SATL1: variants seen among roughly 807,000 people sequenced by gnomAD.
SATL1 encodes the protein spermidine/spermine N1-acetyl transferase like 1, also known as spermidine/spermine N(1)-acetyltransferase-like protein 1.
Under a neutral mutation model 51.8 loss-of-function variants are expected in SATL1, and 47 were observed. The observed-to-expected ratio is 0.91, with a 90% CI of 0.72 to 1.16. The LOEUF (loss-of-function observed/expected upper bound fraction) is 1.16. SATL1 is among the 50% of genes most tolerant of loss of function. The probability of loss-of-function intolerance (pLI) is 0.00; values close to 1 mark genes in which losing one functional copy is unlikely to be tolerated. For synonymous variants in SATL1, 176 were observed against 182.4 expected (o/e 0.97, Z 0.28); for missense variants, 520 against 526.4 (o/e 0.99, Z 0.12).
intron 2 of SATL1, among the ~76,000 whole-genome samples, chrX:85,113,189 A>C (rs1403891043): frequency 1.8e-5 from 2 of 109,661 alleles, no homozygotes; most frequent in African/African-American, 6.6e-5. Context: ...TCTTTGTAAA[A>C]GGGTGACTCT....
chrX:85,208,396 A>C (rs1927835268), intron 2 of SATL1, among the ~76,000 whole-genome samples: 1 of 111,618 alleles, frequency 9.0e-6, no homozygotes, highest in Non-Finnish European at 1.9e-5. Context: ...CATGATTTAT[A>C]ATCCTTTGGG....
At chrX:85,239,412 G>T (rs955697994) in intron 1 of SATL1, among the ~76,000 whole-genome samples, 8 of 111,319 alleles carry the variant, frequency 7.2e-5, no homozygotes, top group Non-Finnish European at 1.5e-4. Flanking sequence ...ATGAATAGAA[G>T]AATCATTATA....
At chrX:85,145,683 A>G (rs942272365) in intron 2 of SATL1, among the ~76,000 whole-genome samples, 13 of 111,093 alleles carry the variant, frequency 1.2e-4, no homozygotes, top group Middle Eastern at 4.7e-3. Flanking sequence ...TTTCTTACAG[A>G]ATCCTAGACA....
intron 5 of SATL1, 46 bp from the exon 6 acceptor site, chrX:85,094,275 G>A: frequency 1.4e-6 from 1 of 727,256 alleles, no homozygotes; most frequent in South Asian, 2.3e-5. Context: ...TTGAATCTTA[G>A]CCAGTTCTTT....
chrX:85,199,638 C>T, intron 2 of SATL1, among the ~76,000 whole-genome samples: 1 of 112,049 alleles, frequency 8.9e-6, no homozygotes. Flanking sequence ...ATGCATGGAA[C>T]TGGATATCAT....
Position 85,092,290 on chromosome X carries a change from G to T in SATL1, c.*101C>A. 1.1e-6 allele frequency: 1 copy of T among 870,957 alleles called. No individual in the cohort carries two copies. The highest frequency in any genetic ancestry group is 3.5e-5 in the East Asian group (1 of 28,936). 71.8% of individuals were successfully genotyped at this position (870,957 alleles called of 1,213,427 possible). A position where few individuals can be genotyped will look rare whatever the true frequency, so the allele number is the denominator to read the frequency against. On this transcript the variant is annotated 3_prime_UTR_variant, in exon 8 of 8. Coordinates refer to ENST00000644105, the MANE Select transcript of SATL1 (RefSeq NM_001367857.2). ...AGATCTGCTCAAACAAGAATGTGAT[G>T]ATCACTTGCTGTATTGTACAACAAA... is the stretch of plus-strand genomic sequence containing the variant.
intron 1 of SATL1, among the ~76,000 whole-genome samples, 165 bp from the exon 2 acceptor site, chrX:85,224,491 T>C (rs949751202): frequency 9.0e-6 from 1 of 111,554 alleles, no homozygotes; most frequent in Non-Finnish European, 1.9e-5. Context: ...GCTTCTTTCA[T>C]TCTGAGACAT....
chrX:85,194,219 T>G (rs1372892357), intron 2 of SATL1, among the ~76,000 whole-genome samples: 1 of 112,222 alleles, frequency 8.9e-6, no homozygotes, highest in African/African-American at 3.2e-5. Context: ...TAAGAAATTT[T>G]ATTCTGAAGA....
intron 2 of SATL1, among the ~76,000 whole-genome samples, chrX:85,152,366 G>T (rs1367447042): frequency 1.8e-5 from 2 of 111,707 alleles, no homozygotes; most frequent in African/African-American, 3.3e-5. Context: ...TACACTGTTG[G>T]TGGGATTGTA....
intron 2 of SATL1, among the ~76,000 whole-genome samples, chrX:85,183,210 T>A (rs1392982590): frequency 9.0e-6 from 1 of 110,875 alleles, no homozygotes; most frequent in Admixed American, 9.7e-5. Flanking sequence ...TAGTTTCGGG[T>A]TCTATATTTA....
intron 2 of SATL1, among the ~76,000 whole-genome samples, chrX:85,127,280 T>C (rs900186600): frequency 1.8e-5 from 2 of 111,471 alleles, no homozygotes; most frequent in African/African-American, 6.5e-5. Flanking sequence ...AAGGCAGGGA[T>C]AATATTTGCC....
chrX:85,128,889 T>C (rs890282087), intron 2 of SATL1, among the ~76,000 whole-genome samples: 4 of 112,142 alleles, frequency 3.6e-5, no homozygotes, highest in Non-Finnish European at 7.5e-5. Context: ...CCCAGCACCA[T>C]TTATTAAAAA....
chrX:85,203,518 C>A (rs1304757301), intron 2 of SATL1, among the ~76,000 whole-genome samples: 1 of 110,989 alleles, frequency 9.0e-6, no homozygotes, highest in East Asian at 2.9e-4. Context: ...CTGGGAGTAC[C>A]ATCCCAGGGA....
chrX:85,167,492 G>A (rs986498009), intron 2 of SATL1, among the ~76,000 whole-genome samples: 4 of 111,403 alleles, frequency 3.6e-5, no homozygotes, highest in Non-Finnish European at 3.8e-5. Flanking sequence ...ATAACCATCA[G>A]AAAATATTAT....
intron 2 of SATL1, among the ~76,000 whole-genome samples, chrX:85,199,109 G>C (rs1214469038): frequency 1.8e-5 from 2 of 110,258 alleles, no homozygotes; most frequent in Admixed American, 9.8e-5. Context: ...AAAGTGCTAG[G>C]ATTACAGGCT....
At chrX:85,198,751 T>C (rs1927628559) in intron 2 of SATL1, among the ~76,000 whole-genome samples, 1 of 111,275 alleles carries the variant, frequency 9.0e-6, no homozygotes, top group South Asian at 3.8e-4. Context: ...TACAAACAAT[T>C]CAATAATACT....
intron 2 of SATL1, among the ~76,000 whole-genome samples, chrX:85,186,049 G>T (rs1354360085): frequency 9.1e-6 from 1 of 109,948 alleles, no homozygotes; most frequent in Non-Finnish European, 1.9e-5. Context: ...ATTCTGCCAG[G>T]ACTGGGTCCT....
chrX:85,185,788 T>C (rs1384037346), intron 2 of SATL1, among the ~76,000 whole-genome samples: 2 of 110,723 alleles, frequency 1.8e-5, no homozygotes, highest in African/African-American at 3.3e-5. Flanking sequence ...TCTTGAATCA[T>C]GGATGCCAGG....
intron 2 of SATL1, among the ~76,000 whole-genome samples, chrX:85,213,426 C>A (rs1309490264): frequency 9.0e-6 from 1 of 111,546 alleles, no homozygotes; most frequent in Non-Finnish European, 1.9e-5. Flanking sequence ...GAGAAAACAG[C>A]AAAACAGATT....
Sources: allele counts gnomAD v4.1 joint callset (sites outside exome capture counted in the v4.1 genomes callset), GRCh38; gene constraint gnomAD v4.1.1; transcripts MANE v1.5; gene names NCBI Gene and HGNC (gene_info 2026-07-23, HGNC 2026-07-21).